The following CFH variants were observed in gnomAD, a reference collection of about 807,000 sequenced individuals.
The protein encoded by CFH is H factor 1 (complement).
In CFH, 53 loss-of-function variants were observed where a neutral mutation model predicts 147.3. The ratio of observed to expected loss-of-function variants is 0.36; its 90% CI spans 0.29 to 0.45. The LOEUF (loss-of-function observed/expected upper bound fraction) is 0.45. CFH is among the 20% of genes least tolerant of loss of function. CFH has a pLI of 1.00. For synonymous variants in CFH, 536 were observed against 489.4 expected (o/e 1.10, Z -1.26); for missense variants, 1,380 against 1,498.0 (o/e 0.92, Z 1.30).
chr1:196,717,476 A>G (rs547723067), intron 11 of CFH, among the ~76,000 whole-genome samples: 1 of 152,208 alleles, frequency 6.6e-6, no homozygotes, highest in African/African-American at 2.4e-5. Context: ...AGAAATTGTG[A>G]TGGATTAGGT....
In CFH at chr1:196,689,532, A is replaced by G; in HGVS notation, c.1077A>G (p.Glu359=). The G allele has an allele frequency of 6.2e-7, 1 of 1,613,626 alleles. No individual in the cohort carries two copies. The highest frequency in any genetic ancestry group is 1.1e-5 in the South Asian group (1 of 91,072). The change falls in exon 8 of 22, where the codon GAA becomes GAG. Residue 359 remains glutamate (E), a synonymous_variant. Transcript: ENST00000367429. ...AATATTACTCCTATTACTGTGATGA[A>G]CATTTTGAGACTCCGTCAGGAAGTT... ...VGKYYSYYCD[E]HFETPSGSYW...
At chr1:196,744,768 T>A (rs1573084393) in intron 20 of CFH, among the ~76,000 whole-genome samples, 1 of 152,214 alleles carries the variant, frequency 6.6e-6, no homozygotes, top group Non-Finnish European at 1.5e-5. Context: ...CTCCTCTGTT[T>A]ATCCATTCTA....
At chr1:196,702,524 A>G (rs1387808493) in intron 9 of CFH, among the ~76,000 whole-genome samples, 2 of 63,194 alleles carry the variant, frequency 3.2e-5, no homozygotes, top group Non-Finnish European at 5.3e-5. Context: ...AACAGGATTG[A>G]AAAAAAAAAA....
rs900465439 is a variant in CFH at position 196,698,133 on chromosome 1, AC to A, written c.1336+7897del. On this transcript the variant is annotated intron_variant, in intron 9 of 21. Transcript: ENST00000367429. ...ACTAACCTGCACGTAGTGCACATGT[AC>A]CCTAAAACTTAAAGTATAATAATAA... Among the ~76,000 whole-genome samples the A allele has an allele frequency of 2.4e-4, 37 of 152,200 alleles. No homozygotes were observed. The South Asian group carries it at 4.4e-3, about 18-fold the overall frequency.
chr1:196,727,239 C>T (rs1254249072), intron 14 of CFH, among the ~76,000 whole-genome samples: 6 of 152,220 alleles, frequency 3.9e-5, no homozygotes, highest in Middle Eastern at 3.4e-3. Flanking sequence ...TGGTTGCTCA[C>T]GCCTATAACC....
intron 17 of CFH, among the ~76,000 whole-genome samples, chr1:196,739,274 T>A (rs1652716144): frequency 6.6e-6 from 1 of 152,230 alleles, no homozygotes; most frequent in Admixed American, 6.5e-5. Flanking sequence ...TGGCTCCTTA[T>A]TATTTTTGCA....
intron 14 of CFH, among the ~76,000 whole-genome samples, chr1:196,728,017 A>T (rs114541804): frequency 6.6e-6 from 1 of 152,120 alleles, no homozygotes; most frequent in East Asian, 1.9e-4. Context: ...TTTTTCCTAA[A>T]GTTTTCCTGG....
chr1:196,700,343 T>G (rs1255797724), intron 9 of CFH, among the ~76,000 whole-genome samples: 1 of 152,072 alleles, frequency 6.6e-6, no homozygotes, highest in Non-Finnish European at 1.5e-5. Context: ...CATACAAACC[T>G]TACAATCTTA....
intron 3 of CFH, among the ~76,000 whole-genome samples, chr1:196,674,692 C>T (rs980287825): frequency 1.3e-5 from 2 of 151,976 alleles, no homozygotes; most frequent in Non-Finnish European, 2.9e-5. Flanking sequence ...TTATTATTTC[C>T]CCATTTTTTC....
intron 9 of CFH, among the ~76,000 whole-genome samples, chr1:196,705,126 C>T (rs1323527689): frequency 1.3e-5 from 2 of 152,064 alleles, no homozygotes; most frequent in African/African-American, 4.8e-5. Context: ...TGAGACTTTG[C>T]TTATATATGT....
intron 7 of CFH, among the ~76,000 whole-genome samples, chr1:196,689,183 A>C (rs1667938620): frequency 6.6e-6 from 1 of 152,154 alleles, no homozygotes; most frequent in African/African-American, 2.4e-5. Context: ...GAGAGCCTTC[A>C]TACAAATTTA....
At position 196,679,853 on chromosome 1, in the gene CFH, T is replaced by C. The variant is rs1005404710; in HGVS notation, c.790+60T>C. The C allele has an allele frequency of 2.8e-6, 4 of 1,408,606 alleles. No individual in the cohort carries two copies. The African/African-American group carries it at 4.3e-5, about 15-fold the overall frequency. 87.3% of individuals were successfully genotyped at this position (1,408,606 alleles called of 1,614,324 possible). ...TTTATCACATATTTTAATTAATTCTTTTAATAAATCCACTTATTTTAATCA... is the reference window on the plus strand; with the variant it reads ...TTTATCACATATTTTAATTAATTCTCTTAATAAATCCACTTATTTTAATCA... On this transcript the variant is annotated intron_variant, in intron 6 of 21. Transcript: ENST00000367429.
At chr1:196,689,820 G>C (rs1317458507) in intron 8 of CFH, among the ~76,000 whole-genome samples, 1 of 151,970 alleles carries the variant, frequency 6.6e-6, no homozygotes, top group Non-Finnish European at 1.5e-5. Flanking sequence ...GGGACTTTAT[G>C]AGAATATCTA....
intron 1 of CFH, among the ~76,000 whole-genome samples, chr1:196,668,112 T>C (rs906113077): frequency 4.6e-5 from 7 of 152,136 alleles, no homozygotes; most frequent in Non-Finnish European, 1.0e-4. Context: ...TTATCATGTT[T>C]CAATAGCTTT....
In CFH at chr1:196,747,382, A is replaced by G; in HGVS notation, c.*69A>G. ...AAATCAGTTCTCAATTTCATTTTTT[A>G]TGTATTGTTTTACTCCTTTTTATTC... On this transcript the variant is annotated 3_prime_UTR_variant, in exon 22 of 22. Transcript: ENST00000367429. 2 of 1,599,816 alleles carry G rather than the reference A, an allele frequency of 1.3e-6. No individual in the cohort carries two copies. The highest frequency in any genetic ancestry group is 1.7e-6 in the Non-Finnish European group (2 of 1,169,122).
At position 196,715,446 on chromosome 1, in the gene CFH, A is replaced by G. The variant is rs1208177126; in HGVS notation, c.1520-147A>G. 4.7e-6 allele frequency: 3 copies of G among 639,638 alleles called. 1 individual carries two copies. The highest frequency in any genetic ancestry group is 5.5e-5 in the East Asian group (2 of 36,152). 39.6% of individuals were successfully genotyped at this position (639,638 alleles called of 1,614,324 possible). A position where few individuals can be genotyped will look rare whatever the true frequency, so the allele number is the denominator to read the frequency against. ...TTTTGACAACTATTTTACGACAACAAATTCTCACCAGTCATAGATTATTTT... is the reference window on the plus strand; with the variant it reads ...TTTTGACAACTATTTTACGACAACAGATTCTCACCAGTCATAGATTATTTT... On this transcript the variant is annotated intron_variant, in intron 10 of 21. Coordinates refer to ENST00000367429, the MANE Select transcript of CFH (RefSeq NM_000186.4).
At chr1:196,713,981 T>C (rs1237752809) in intron 10 of CFH, 64 bp downstream of exon 10, 1 of 1,431,526 alleles carries the variant, frequency 7.0e-7, no homozygotes, top group African/African-American at 1.4e-5. Flanking sequence ...CTAACTTTAG[T>C]CTTTTTGTGG....
intron 9 of CFH, among the ~76,000 whole-genome samples, chr1:196,709,075 A>G (rs1035930808): frequency 1.3e-5 from 2 of 152,192 alleles, no homozygotes; most frequent in African/African-American, 4.8e-5. Context: ...CTGTACAGTG[A>G]TCAATACCAC....
chr1:196,715,097 A>G (rs944426394), intron 10 of CFH, among the ~76,000 whole-genome samples: 3 of 151,994 alleles, frequency 2.0e-5, no homozygotes, highest in Non-Finnish European at 2.9e-5. Flanking sequence ...TAAAAAAGCT[A>G]ATTTTATACT....
Sources: gnomAD v4.1 joint callset for allele counts (sites outside exome capture counted in the v4.1 genomes callset) on GRCh38, gnomAD v4.1.1 for gene constraint, MANE v1.5 for transcripts, NCBI Gene and HGNC (gene_info 2026-07-23, HGNC 2026-07-21) for gene names.